Variants in RGS7 observed in about 807,000 individuals in gnomAD.
RGS7 encodes regulator of G-protein signaling 7.
RGS7 carries 27 observed loss-of-function variants against 81.1 expected under a neutral mutation model. The observed-to-expected ratio is 0.33, with a 90% confidence interval of 0.25 to 0.46. RGS7 has a LOEUF of 0.46. RGS7 is among the 20% of genes least tolerant of loss of function. The pLI is 1.00. For missense variants in RGS7, 396 were observed against 607.4 expected, an observed-to-expected ratio of 0.65 and a Z score of 3.66; for synonymous variants, 208 against 207.7, an observed-to-expected ratio of 1.00 and a Z score of -0.01.
chr1:241,019,329 T>A (rs890647370), intron 3 of RGS7, among the ~76,000 whole-genome samples: 1 of 151,912 alleles, frequency 6.6e-6, no homozygotes, highest in Non-Finnish European at 1.5e-5. Flanking sequence ...TTTCTTTTTT[T>A]AGAAGAATTA....
At chr1:240,978,636 A>T (rs1211079743) in intron 4 of RGS7, among the ~76,000 whole-genome samples, 1 of 152,176 alleles carries the variant, frequency 6.6e-6, no homozygotes, top group Admixed American at 6.5e-5. Flanking sequence ...AAAACAGAGA[A>T]AATAATAATC....
intron 5 of RGS7, among the ~76,000 whole-genome samples, chr1:240,935,952 G>A (rs1177541189): frequency 6.6e-6 from 1 of 152,184 alleles, no homozygotes; most frequent in African/African-American, 2.4e-5. Flanking sequence ...CTGAAATGTA[G>A]AATATACTTT....
chr1:241,152,117 A>G (rs72632890), intron 2 of RGS7, among the ~76,000 whole-genome samples: 7,251 of 151,298 alleles, frequency 0.048, 399 homozygotes, highest in East Asian at 0.3. Context: ...AAAATAAGCC[A>G]ATAATTCCAG....
chr1:241,131,250 T>C (rs962746186), intron 2 of RGS7, among the ~76,000 whole-genome samples: 1 of 152,150 alleles, frequency 6.6e-6, no homozygotes, highest in African/African-American at 2.4e-5. Flanking sequence ...AAATGACAAT[T>C]TAGAAATGTA....
At chr1:240,870,435 G>C (rs1429950472) in intron 6 of RGS7, among the ~76,000 whole-genome samples, 1 of 151,960 alleles carries the variant, frequency 6.6e-6, no homozygotes, top group Non-Finnish European at 1.5e-5. Flanking sequence ...ACACTCCTAG[G>C]CTCAATTGAT....
intron 4 of RGS7, among the ~76,000 whole-genome samples, chr1:240,972,687 A>C (rs1288700221): frequency 9.5e-5 from 9 of 94,592 alleles, no homozygotes; most frequent in African/African-American, 3.3e-4. Flanking sequence ...CCTAAAACTT[A>C]AAGTATAATA....
At chr1:240,859,291 C>T (rs1389710832) in intron 9 of RGS7, among the ~76,000 whole-genome samples, 3 of 152,054 alleles carry the variant, frequency 2.0e-5, no homozygotes, top group Middle Eastern at 3.2e-3. Context: ...TGAGCCATCA[C>T]TCCTGGCCTA....
At chr1:241,150,157 A>C (rs2068643884) in intron 2 of RGS7, among the ~76,000 whole-genome samples, 1 of 152,230 alleles carries the variant, frequency 6.6e-6, no homozygotes, top group African/African-American at 2.4e-5. Flanking sequence ...GCAAAAAAAT[A>C]ATAATCATTT....
chr1:241,097,223 A>G (rs2064320364), intron 3 of RGS7, among the ~76,000 whole-genome samples: 2 of 151,906 alleles, frequency 1.3e-5, no homozygotes, highest in Admixed American at 1.3e-4. Context: ...ATGGCCTGTA[A>G]GTGGGACGGT....
intron 2 of RGS7, among the ~76,000 whole-genome samples, chr1:241,133,477 T>C (rs949932656): frequency 1.3e-5 from 2 of 151,870 alleles, no homozygotes; most frequent in African/African-American, 2.4e-5. Context: ...ACTAAAGAGA[T>C]AGGTTGATAA....
chr1:241,310,427 ATG>A (rs1294824398), intron 2 of RGS7, among the ~76,000 whole-genome samples: 2 of 116,130 alleles, frequency 1.7e-5, no homozygotes, highest in African/African-American at 5.4e-5. Flanking sequence ...GTGAGAGTGT[ATG>A]TGTGTCTGTG....
chr1:241,195,645 A>C (rs995517681), intron 2 of RGS7, among the ~76,000 whole-genome samples: 6 of 152,134 alleles, frequency 3.9e-5, no homozygotes, highest in Non-Finnish European at 8.8e-5. Flanking sequence ...AATACAATTC[A>C]GTGAAGAACA....
Position 241,074,568 on chromosome 1 carries a change from A to T in RGS7, c.175+24098T>A, listed in dbSNP as rs147364429. Among the ~76,000 whole-genome samples the T allele has an allele frequency of 2.0e-3, 299 of 152,336 alleles. 3 individuals are homozygous for T. Among genetic ancestry groups the T allele is most frequent in the Middle Eastern group, 3.4e-3 (1 of 294 alleles). On this transcript the variant is annotated intron_variant, in intron 3 of 18. Transcript: ENST00000440928. The stretch of plus-strand genomic sequence containing the variant: ...CTGTACTGGCTTCACGTTCAGACAG[A>T]TTTCATTCTCGTGTTTACACCTAAC...
At chr1:240,827,588 C>T (rs973575534) in intron 9 of RGS7, among the ~76,000 whole-genome samples, 1 of 152,018 alleles carries the variant, frequency 6.6e-6, no homozygotes, top group East Asian at 1.9e-4. Flanking sequence ...CTGGGCCGGG[C>T]GCAGTGACTC....
Position 241,250,388 on chromosome 1 carries a change from T to C in RGS7, c.78+105311A>G, listed in dbSNP as rs571192673. Among the ~76,000 whole-genome samples the C allele has an allele frequency of 9.8e-4, 150 of 152,316 alleles. 1 individual carries two copies. The highest frequency in any genetic ancestry group is 3.4e-3 in the African/African-American group (141 of 41,574). On this transcript the variant is annotated intron_variant, in intron 2 of 18. Coordinates refer to ENST00000440928, the MANE Select transcript of RGS7 (RefSeq NM_001364886.1). ...TCGATTCTTCATTTATACTATTCCATTTGCAGCTTATGAACTGCAAAACAG... is the reference window on the plus strand; with the variant it reads ...TCGATTCTTCATTTATACTATTCCACTTGCAGCTTATGAACTGCAAAACAG...
chr1:240,830,534 A>G (rs1318485306), intron 9 of RGS7, among the ~76,000 whole-genome samples: 1 of 152,226 alleles, frequency 6.6e-6, no homozygotes, highest in Non-Finnish European at 1.5e-5. Flanking sequence ...GCAGCAGAGA[A>G]AGGCCGAGAA....
At chr1:241,057,785 G>A (rs968372594) in intron 3 of RGS7, among the ~76,000 whole-genome samples, 2 of 152,216 alleles carry the variant, frequency 1.3e-5, no homozygotes, top group East Asian at 1.9e-4. Context: ...AGTGGCATGC[G>A]CCTGTAGTCC....
At chr1:241,312,675 G>A (rs547443365) in intron 2 of RGS7, among the ~76,000 whole-genome samples, 3 of 152,034 alleles carry the variant, frequency 2.0e-5, no homozygotes, top group Admixed American at 6.6e-5. Context: ...CCCACTCCTC[G>A]GGCCCCTCTA....
rs369155474 is a variant in RGS7 at position 240,955,551 on chromosome 1, CAAAAAAAA to C, written c.227-18853_227-18846del. ...TGGGCGGCAGAGCAAGACTCTGTCT[CAAAAAAAA>C]AAAAAAAAAAAAAAAAAAAAAAAAC... On this transcript the variant is annotated intron_variant, in intron 4 of 18. Transcript: ENST00000440928. Among the ~76,000 whole-genome samples, 150 of 140,292 alleles carry C rather than the reference CAAAAAAAA, an allele frequency of 1.1e-3. 1 individual carries two copies. The highest frequency in any genetic ancestry group is 3.6e-3 in the African/African-American group (133 of 36,826). 92.0% of individuals were successfully genotyped at this position (140,292 alleles called of 152,430 possible).
Sources: allele counts gnomAD v4.1 joint callset (sites outside exome capture counted in the v4.1 genomes callset), GRCh38; gene constraint gnomAD v4.1.1; transcripts MANE v1.5; gene names NCBI Gene and HGNC (gene_info 2026-07-23, HGNC 2026-07-21).